Variants in PIK3R3 observed in about 807,000 individuals in gnomAD.
PIK3R3 encodes the protein phosphoinositide-3-kinase regulatory subunit 3, also known as phosphatidylinositol 3-kinase regulatory subunit gamma.
A neutral mutation model predicts 62.9 loss-of-function variants in PIK3R3; 64 were observed. The observed-to-expected ratio is 1.02, with a 90% CI of 0.83 to 1.25. The LOEUF (loss-of-function observed/expected upper bound fraction) is 1.25, where lower values mean the gene tolerates loss of function less well. PIK3R3 is among the 50% of genes most tolerant of loss of function. The pLI is 0.00. For missense variants in PIK3R3, 614 were observed against 561.6 expected, an observed-to-expected ratio of 1.09 and a Z score of -0.94; for synonymous variants, 165 against 189.0, an observed-to-expected ratio of 0.87 and a Z score of 1.04.
the PIK3R3 span, among the ~76,000 whole-genome samples, chr1:46,139,652 G>T: frequency 2.6e-5 from 4 of 152,150 alleles, no homozygotes. Flanking sequence ...AAGACCATAA[G>T]ATCAGGACAA....
rs551927529 is a variant in PIK3R3 at position 46,060,102 on chromosome 1, A to T, written c.764+1827T>A. Among the ~76,000 whole-genome samples the T allele has an allele frequency of 4.4e-4, 66 of 150,892 alleles. 1 individual carries two copies. Among genetic ancestry groups the T allele is most frequent in the Non-Finnish European group, 2.1e-4 (14 of 67,586 alleles). The stretch of plus-strand genomic sequence containing the variant: ...GCGACAGAGCGAGACTCCGTCTCAA[A>T]AATAAATAAATAAAACAAAACGTTA... On this transcript the variant is annotated intron_variant, in intron 6 of 9. Transcript: ENST00000262741.
chr1:46,138,443 T>G, the PIK3R3 span, among the ~76,000 whole-genome samples: 1 of 152,176 alleles, frequency 6.6e-6, no homozygotes, highest in Non-Finnish European at 1.5e-5. Context: ...GAGGATCACT[T>G]GAGCTCAGGA....
chr1:46,076,012 T>C (rs545373286), intron 3 of PIK3R3, among the ~76,000 whole-genome samples: 1 of 152,122 alleles, frequency 6.6e-6, no homozygotes, highest in Non-Finnish European at 1.5e-5. Context: ...AGAGATAAAA[T>C]TTTTTTCTTT....
In PIK3R3 at chr1:46,044,462, G is replaced by C. The variant is rs1471035684; in HGVS notation, c.1188-591C>G. ...GCCACCCAATAACCTGAGTGACAGT[G>C]AGCGACTGGGCTTACTGCCTTCCTT... On this transcript the variant is annotated intron_variant, in intron 9 of 9. Coordinates refer to ENST00000262741, the MANE Select transcript of PIK3R3 (RefSeq NM_003629.4). The surrounding 1 kb of genome is among the most constrained non-coding windows in gnomAD (Gnocchi z 4.2). 6.6e-6 allele frequency among the ~76,000 whole-genome samples: 1 copy of C among 152,118 alleles called. No individual in the cohort carries two copies. The highest frequency in any genetic ancestry group is 1.5e-5 in the Non-Finnish European group (1 of 68,012).
intron 1 of PIK3R3, among the ~76,000 whole-genome samples, chr1:46,082,954 C>G (rs1415135127): frequency 1.3e-5 from 2 of 152,118 alleles, no homozygotes; most frequent in Admixed American, 1.3e-4. Flanking sequence ...TGGTGCACAC[C>G]TGTAATCCCA....
At chr1:46,131,727 A>G (rs1405166490) in intron 1 of PIK3R3, 120 bp downstream of exon 1, 1 of 953,486 alleles carries the variant, frequency 1.0e-6, no homozygotes, top group Non-Finnish European at 1.7e-6. Flanking sequence ...TGTAACTGCA[A>G]ATCTCCTCAT....
In PIK3R3 at chr1:46,074,312, AAAAAAC is replaced by A. The variant is rs1298312133; in HGVS notation, c.314+3197_314+3202del. On this transcript the variant is annotated intron_variant, in intron 3 of 9. Coordinates refer to ENST00000262741, the MANE Select transcript of PIK3R3 (RefSeq NM_003629.4). ...AAAAAAAAAAAAAAAAAAAAAAAAA[AAAAAAC>A]CAATAAATTCAGCCTGACTCAACTT... 2.1e-3 allele frequency among the ~76,000 whole-genome samples: 309 copies of A among 145,914 alleles called. 27 individuals are homozygous for A. The highest frequency in any genetic ancestry group is 6.8e-3 in the African/African-American group (265 of 38,866).
chr1:46,087,031 A>G (rs1266246803), intron 1 of PIK3R3, among the ~76,000 whole-genome samples: 6 of 152,080 alleles, frequency 3.9e-5, no homozygotes, highest in African/African-American at 1.2e-4. Flanking sequence ...AAAACCAAAC[A>G]CTGCATGTTC....
intron 1 of PIK3R3, among the ~76,000 whole-genome samples, chr1:46,129,851 GGTA>G (rs1655424116): frequency 6.6e-6 from 1 of 152,010 alleles, no homozygotes; most frequent in African/African-American, 2.4e-5. Context: ...CTACAAAAGG[GGTA>G]ATAAAGAACA....
At chr1:46,070,496 C>G (rs1557577711) in intron 3 of PIK3R3, among the ~76,000 whole-genome samples, 1 of 152,276 alleles carries the variant, frequency 6.6e-6, no homozygotes, top group East Asian at 1.9e-4. Flanking sequence ...AAAAAAAGAA[C>G]ATGTGAAATT....
intron 1 of PIK3R3, among the ~76,000 whole-genome samples, chr1:46,099,850 T>C (rs1652489949): frequency 1.3e-5 from 2 of 152,216 alleles, no homozygotes; most frequent in African/African-American, 2.4e-5. Context: ...TAAGAGAGTT[T>C]TCCTTATTCT....
rs1215507043 is a variant in PIK3R3 at position 46,132,278 on chromosome 1, AG to A, written c.-327del. The A allele has an allele frequency of 8.9e-7, 1 of 1,118,522 alleles. No individual in the cohort carries two copies. Among genetic ancestry groups the A allele is most frequent in the African/African-American group, 1.7e-5 (1 of 60,560 alleles). 69.3% of individuals were successfully genotyped at this position (1,118,522 alleles called of 1,614,324 possible). On this transcript the variant is annotated 5_prime_UTR_variant, in exon 1 of 10. Coordinates refer to ENST00000262741, the MANE Select transcript of PIK3R3 (RefSeq NM_003629.4). ...TACACAGTCGCTCTCCGGGGAGAAA[AG>A]CTCCCACCGCCTCCAAATCTTTCCG...
rs9429182 is a variant in PIK3R3, at chr1:46,052,733, A to G, written c.941+3062T>C. On this transcript the variant is annotated intron_variant, in intron 7 of 9. Coordinates refer to ENST00000262741, the MANE Select transcript of PIK3R3 (RefSeq NM_003629.4). ...AATAATATCCTAGAATTTTTTTTCT[A>G]TATTTAAGCAATGAAATTCTGTATT... Among the ~76,000 whole-genome samples, 148 of 152,216 alleles carry G rather than the reference A, an allele frequency of 9.7e-4. 2 individuals carry two copies. The highest frequency in any genetic ancestry group is 3.5e-3 in the African/African-American group (146 of 41,560).
At chr1:46,064,836 TA>T (rs1648848029) in intron 5 of PIK3R3, among the ~76,000 whole-genome samples, 2 of 152,014 alleles carry the variant, frequency 1.3e-5, no homozygotes, top group African/African-American at 2.4e-5. Context: ...AGAAAGTTTT[TA>T]AACCAATGAA....
At chr1:46,104,295 A>C (rs1290927577) in intron 1 of PIK3R3, among the ~76,000 whole-genome samples, 1 of 152,188 alleles carries the variant, frequency 6.6e-6, no homozygotes, top group Non-Finnish European at 1.5e-5. Flanking sequence ...GTTCTGGTAG[A>C]TTTTTTAAAT....
At chr1:46,153,431 A>G in the PIK3R3 span, among the ~76,000 whole-genome samples, 2 of 152,188 alleles carry the variant, frequency 1.3e-5, no homozygotes, top group Non-Finnish European at 2.9e-5. Context: ...GGCTCCCAGG[A>G]GCTTGCTGCA....
At chr1:46,171,151 G>C in the PIK3R3 span, among the ~76,000 whole-genome samples, 1 of 152,210 alleles carries the variant, frequency 6.6e-6, no homozygotes, top group Non-Finnish European at 1.5e-5. Context: ...TGCCGGTGCA[G>C]AGGAAGGTCA....
intron 7 of PIK3R3, chr1:46,046,920 C>T (rs979232073): frequency 1.5e-5 from 7 of 462,050 alleles, no homozygotes; most frequent in South Asian, 1.0e-4. Flanking sequence ...CACACATACT[C>T]GCACTCACAG....
intron 5 of PIK3R3, among the ~76,000 whole-genome samples, chr1:46,064,925 A>G (rs1648856921): frequency 6.6e-6 from 1 of 152,216 alleles, no homozygotes; most frequent in African/African-American, 2.4e-5. Flanking sequence ...AAAGAGCAGA[A>G]ATTCATGAAA....
Sources: allele counts gnomAD v4.1 joint callset (sites outside exome capture counted in the v4.1 genomes callset), GRCh38; gene constraint gnomAD v4.1.1; non-coding constraint Gnocchi (gnomAD v3.1); transcripts MANE v1.5; gene names NCBI Gene and HGNC (gene_info 2026-07-23, HGNC 2026-07-21).